ADAMTS16: variants seen among roughly 807,000 people sequenced by gnomAD.
ADAMTS16 encodes A disintegrin and metalloproteinase with thrombospondin motifs 16.
Under a neutral mutation model 145.8 loss-of-function variants are expected in ADAMTS16, and 94 were observed. The observed-to-expected ratio is 0.64, with a 90% CI of 0.55 to 0.77. ADAMTS16 has a LOEUF of 0.77. ADAMTS16 is among the 30% of genes least tolerant of loss of function. The probability of loss-of-function intolerance (pLI) is 0.00; values close to 1 mark genes in which losing one functional copy is unlikely to be tolerated. For missense variants in ADAMTS16, 1,585 were observed against 1,591.5 expected (o/e 1.00, Z 0.07); for synonymous variants, 659 against 604.3 (o/e 1.09, Z -1.33).
In ADAMTS16 at chr5:5,303,424, C is replaced by T. The variant is rs546888690; in HGVS notation, c.2946C>T (p.Asn982=). The part of the protein sequence containing the change: ...QPAPSSRQAC[N]SQSCPPAWSA... ...CTCCCTCCAGCAGGCAGGCCTGCAACTCTCAGAGCTGCCCACCTGCATGGA... is the reference window on the plus strand; with the variant it reads ...CTCCCTCCAGCAGGCAGGCCTGCAATTCTCAGAGCTGCCCACCTGCATGGA... The change falls in exon 19 of 23, where the codon AAC becomes AAT. Residue 982 remains asparagine (N), a synonymous_variant. Coordinates refer to ENST00000274181, the MANE Select transcript of ADAMTS16 (RefSeq NM_139056.4). 1 of 1,610,586 alleles carries T rather than the reference C, an allele frequency of 6.2e-7. No homozygotes were observed. Among genetic ancestry groups the T allele is most frequent in the Non-Finnish European group, 8.5e-7 (1 of 1,178,692 alleles).
chr5:5,140,386 C>A lies in ADAMTS16; in HGVS notation c.-82C>A. 7.3e-7 allele frequency: 1 copy of A among 1,371,960 alleles called. No homozygotes were observed. Among genetic ancestry groups the A allele is most frequent in the East Asian group, 3.0e-5 (1 of 33,104 alleles). The allele number at this position is 1,371,960 out of a possible 1,614,324, so 85.0% of individuals were successfully genotyped here. A position where few individuals can be genotyped will look rare whatever the true frequency, so the allele number is the denominator to read the frequency against. On this transcript the variant is annotated 5_prime_UTR_variant, in exon 1 of 23. It adds an upstream start codon to the 5' untranslated region. Coordinates refer to ENST00000274181, the MANE Select transcript of ADAMTS16 (RefSeq NM_139056.4). ...TGTGGGGAATCCTCCCGCGCTCTGC[C>A]TGGGTCGGGTCCTCCCTGCCCGCTC...
intron 3 of ADAMTS16, chr5:5,175,929 C>T (rs559247227): frequency 1.3e-5 from 2 of 152,436 alleles, no homozygotes; most frequent in South Asian, 2.1e-4. Context: ...CTCTCCTACC[C>T]TCCTCAGAGC....
intron 22 of ADAMTS16, among the ~76,000 whole-genome samples, chr5:5,318,604 T>C (rs1263551069): frequency 6.6e-6 from 1 of 152,176 alleles, no homozygotes; most frequent in African/African-American, 2.4e-5. Context: ...ATTCACTGGG[T>C]GCCCTCTAAA....
At chr5:5,299,793 T>A (rs983578518) in intron 18 of ADAMTS16, among the ~76,000 whole-genome samples, 4 of 152,220 alleles carry the variant, frequency 2.6e-5, no homozygotes, top group Non-Finnish European at 5.9e-5. Context: ...ACCAGCCACT[T>A]TGCATTCTTC....
intron 10 of ADAMTS16, among the ~76,000 whole-genome samples, chr5:5,210,843 C>T (rs931884952): frequency 2.0e-5 from 3 of 152,058 alleles, no homozygotes; most frequent in African/African-American, 7.2e-5. Context: ...TTGTTTCCTC[C>T]TTTGTTCTAT....
rs1740394714 is a variant in ADAMTS16 at position 5,310,768 on chromosome 5, T to C, written c.3411+4040T>C. On this transcript the variant is annotated intron_variant, in intron 21 of 22. Coordinates refer to ENST00000274181, the MANE Select transcript of ADAMTS16 (RefSeq NM_139056.4). The surrounding 1 kb of genome is among the most constrained non-coding windows in gnomAD (Gnocchi z 4.3). The stretch of plus-strand genomic sequence containing the variant: ...TTTGGATTTCTGGCGTCCTAAACTG[T>C]GAAAGAATAAATTTCTGTTATTTTG... Among the ~76,000 whole-genome samples the C allele has an allele frequency of 6.6e-6, 1 of 152,204 alleles. No individual in the cohort carries two copies. The highest frequency in any genetic ancestry group is 2.4e-5 in the African/African-American group (1 of 41,462).
intron 3 of ADAMTS16, among the ~76,000 whole-genome samples, chr5:5,175,090 T>G (rs1735150464): frequency 6.6e-6 from 1 of 152,170 alleles, no homozygotes; most frequent in East Asian, 1.9e-4. Flanking sequence ...CCCATAGCCA[T>G]CACAACTGGA....
In ADAMTS16 at chr5:5,184,920, C is replaced by A. The variant is rs74697089; in HGVS notation, c.764-1132C>A. 5.0e-3 allele frequency among the ~76,000 whole-genome samples: 767 copies of A among 152,176 alleles called. 3 individuals are homozygous for A. Among genetic ancestry groups the A allele is most frequent in the African/African-American group, 0.018 (730 of 41,512 alleles). On this transcript the variant is annotated intron_variant, in intron 4 of 22. Transcript: ENST00000274181. ...TAATTAAGAACAAGAGTTCTAGGACCACACTGTCCAAATCTGAAAGCTATT... is the reference window on the plus strand; with the variant it reads ...TAATTAAGAACAAGAGTTCTAGGACAACACTGTCCAAATCTGAAAGCTATT...
intron 20 of ADAMTS16, among the ~76,000 whole-genome samples, chr5:5,304,376 G>C (rs1739935055): frequency 6.6e-6 from 1 of 152,078 alleles, no homozygotes; most frequent in Non-Finnish European, 1.5e-5. Context: ...AATACTGATG[G>C]TTTCATGACC....
chr5:5,217,675 A>G lies in ADAMTS16; in HGVS notation c.1606-5114A>G, dbSNP rs182756667. Reference sequence around the variant, plus strand: ...GGTGTTAAACCTTAACCAAGTTGGTATTACTGAAATTGGTTTTTGTGAACA... The same window carrying G: ...GGTGTTAAACCTTAACCAAGTTGGTGTTACTGAAATTGGTTTTTGTGAACA... On this transcript the variant is annotated intron_variant, in intron 10 of 22. Transcript: ENST00000274181. 1.3e-5 allele frequency among the ~76,000 whole-genome samples: 2 copies of G among 152,314 alleles called. 1 individual carries two copies. The highest frequency in any genetic ancestry group is 1.3e-4 in the Admixed American group (2 of 15,308).
At chr5:5,242,635 G>C (rs1345582989) in intron 17 of ADAMTS16, among the ~76,000 whole-genome samples, 1 of 152,124 alleles carries the variant, frequency 6.6e-6, no homozygotes, top group Admixed American at 6.5e-5. Context: ...CTGCAAGTCA[G>C]ATAGTCAGAT....
chr5:5,146,619 C>CGT (rs1734305084), intron 3 of ADAMTS16, among the ~76,000 whole-genome samples, 164 bp downstream of exon 3: 3 of 152,218 alleles, frequency 2.0e-5, no homozygotes, highest in African/African-American at 7.2e-5. Context: ...AAAAACATTG[C>CGT]GTGCCTCCTC....
chr5:5,285,430 C>G (rs902005524), intron 18 of ADAMTS16, among the ~76,000 whole-genome samples: 2 of 152,212 alleles, frequency 1.3e-5, no homozygotes, highest in African/African-American at 4.8e-5. Flanking sequence ...GTTCCAAACT[C>G]GGGTGCAGCC....
At chr5:5,219,884 A>G (rs2126340834) in intron 10 of ADAMTS16, among the ~76,000 whole-genome samples, 1 of 152,314 alleles carries the variant, frequency 6.6e-6, no homozygotes, top group Admixed American at 6.5e-5. Context: ...TATTCTGCAA[A>G]ATGCTCCCCA....
chr5:5,257,687 A>T (rs541691435), intron 17 of ADAMTS16, among the ~76,000 whole-genome samples: 1 of 152,312 alleles, frequency 6.6e-6, no homozygotes, highest in South Asian at 2.1e-4. Context: ...GTTTTTCCAC[A>T]CTAACAACCA....
At chr5:5,206,420 C>T (rs866527399) in intron 9 of ADAMTS16, among the ~76,000 whole-genome samples, 494 of 27,420 alleles carry the variant, frequency 0.018, 5 homozygotes, top group African/African-American at 0.08. Flanking sequence ...AGCGAGACTC[C>T]GTCTCAAAAA....
At position 5,320,065 on chromosome 5, in the gene ADAMTS16, TG is replaced by T. The variant is rs1447357509; in HGVS notation, c.*928del. The T allele has an allele frequency of 1.4e-5, 5 of 360,342 alleles. No individual in the cohort carries two copies. The highest frequency in any genetic ancestry group is 1.2e-4 in the African/African-American group (5 of 40,582). 22.3% of individuals were successfully genotyped at this position (360,342 alleles called of 1,614,324 possible). On this transcript the variant is annotated 3_prime_UTR_variant, in exon 23 of 23. Transcript: ENST00000274181. This position sits in a 1 kb window ranked among gnomAD's most constrained non-coding sequence, Gnocchi z 5.1. ...ACCTTAGAGTCCTGTGTTTTGTTTT[TG>T]TGTGTTGTGAGATTTTAATCTTTTT... is the stretch of plus-strand genomic sequence containing the variant.
intron 10 of ADAMTS16, among the ~76,000 whole-genome samples, chr5:5,215,870 GTATATATATATATATA>G (rs55703329): frequency 0.15 from 14,951 of 101,706 alleles, 1,137 homozygotes; most frequent in East Asian, 0.18. Flanking sequence ...GTGTGTATGT[GTATATATATATATATA>G]TATATATATA....
rs569453389 is a variant in ADAMTS16, at chr5:5,308,284, C to T, written c.3411+1556C>T. Among the ~76,000 whole-genome samples, 3 of 152,336 alleles carry T rather than the reference C, an allele frequency of 2.0e-5. 1 individual carries two copies. Among genetic ancestry groups the T allele is most frequent in the South Asian group, 4.1e-4 (2 of 4,830 alleles). On this transcript the variant is annotated intron_variant, in intron 21 of 22. Coordinates refer to ENST00000274181, the MANE Select transcript of ADAMTS16 (RefSeq NM_139056.4). ...CCAAAGACATTTCCCAAGTGATCAG[C>T]GTGGTGTCTGGTGCCATAGGAATAA...
Sources: gnomAD v4.1 joint callset for allele counts (sites outside exome capture counted in the v4.1 genomes callset) on GRCh38, gnomAD v4.1.1 for gene constraint, Gnocchi (gnomAD v3.1) non-coding constraint, MANE v1.5 for transcripts, NCBI Gene and HGNC (gene_info 2026-07-23, HGNC 2026-07-21) for gene names.